The following RIT2 variants were observed in gnomAD, a reference collection of about 807,000 sequenced individuals.
The protein encoded by RIT2 is Ras like without CAAX 2.
A neutral mutation model predicts 23.7 loss-of-function variants in RIT2; 24 were observed. The ratio of observed to expected loss-of-function variants is 1.01; its 90% CI spans 0.73 to 1.43. The LOEUF (loss-of-function observed/expected upper bound fraction) is 1.43. Ranked by LOEUF, RIT2 falls within the 40% of genes most tolerant of loss-of-function variation. The pLI, the probability that RIT2 is intolerant of heterozygous loss-of-function variation, is 0.00. For missense variants in RIT2, 236 were observed against 266.9 expected, an observed-to-expected ratio of 0.88 and a Z score of 0.81; for synonymous variants, 107 against 91.1, an observed-to-expected ratio of 1.17 and a Z score of -0.99.
intron 4 of RIT2, among the ~76,000 whole-genome samples, chr18:42,861,064 C>T (rs1907314250): frequency 6.6e-6 from 1 of 152,140 alleles, no homozygotes; most frequent in African/African-American, 2.4e-5. Context: ...CAGACCTGAT[C>T]TTTCTCATAA....
intron 4 of RIT2, among the ~76,000 whole-genome samples, chr18:42,774,961 C>T (rs1347472031): frequency 1.3e-5 from 2 of 152,170 alleles, no homozygotes; most frequent in African/African-American, 2.4e-5. Flanking sequence ...GAGCACATTA[C>T]ACCTTATCAT....
At chr18:43,020,079 A>C (rs890277064) in intron 2 of RIT2, among the ~76,000 whole-genome samples, 2 of 152,138 alleles carry the variant, frequency 1.3e-5, no homozygotes, top group Non-Finnish European at 2.9e-5. Context: ...TAATGCATTC[A>C]AATAATTAAT....
intron 4 of RIT2, among the ~76,000 whole-genome samples, chr18:42,777,333 T>G (rs1913697280): frequency 6.6e-6 from 1 of 151,606 alleles, no homozygotes; most frequent in Admixed American, 6.6e-5. Context: ...AGACATAAAT[T>G]TGGGATTCAA....
chr18:43,087,067 T>C (rs1468505034), intron 1 of RIT2, among the ~76,000 whole-genome samples: 1 of 151,910 alleles, frequency 6.6e-6, no homozygotes, highest in African/African-American at 2.4e-5. Flanking sequence ...CTGGCCAACA[T>C]AGCAAAATCC....
chr18:42,871,232 T>C (rs1030700191), intron 4 of RIT2, among the ~76,000 whole-genome samples: 2 of 152,330 alleles, frequency 1.3e-5, no homozygotes, highest in East Asian at 1.9e-4. Context: ...TAACACTTAA[T>C]ATTTTCTAAT....
chr18:42,995,843 A>G (rs1568050506), intron 2 of RIT2, among the ~76,000 whole-genome samples: 1 of 152,224 alleles, frequency 6.6e-6, no homozygotes, highest in South Asian at 2.1e-4. Context: ...CATCTCTACT[A>G]TCTTCTGTCT....
At chr18:42,823,974 C>T (rs1012152855) in intron 4 of RIT2, among the ~76,000 whole-genome samples, 7 of 152,050 alleles carry the variant, frequency 4.6e-5, no homozygotes, top group African/African-American at 1.7e-4. Context: ...AGCATAATTC[C>T]GTTTAAGTCG....
chr18:42,746,302 C>T (rs553416743), intron 4 of RIT2, among the ~76,000 whole-genome samples: 1 of 152,124 alleles, frequency 6.6e-6, no homozygotes, highest in African/African-American at 2.4e-5. Context: ...ATTCAACTGA[C>T]CACAGTCAAT....
intron 4 of RIT2, among the ~76,000 whole-genome samples, chr18:42,866,222 T>G (rs768920668): frequency 6.6e-6 from 1 of 152,198 alleles, no homozygotes; most frequent in Non-Finnish European, 1.5e-5. Context: ...AATAGATACC[T>G]TAAACTAATG....
rs116679588 is a variant in RIT2, at chr18:42,987,808, G to A, written c.161-13661C>T. Reference sequence around the variant, plus strand: ...TGAGGGCCTCAGGAAACACACTCATGGCAAAAGGTGAAGTGGAGTAGATGT... The same window carrying A: ...TGAGGGCCTCAGGAAACACACTCATAGCAAAAGGTGAAGTGGAGTAGATGT... On this transcript the variant is annotated intron_variant, in intron 2 of 4. Transcript: ENST00000326695. Among the ~76,000 whole-genome samples the A allele has an allele frequency of 6.7e-3, 1,021 of 152,286 alleles. 15 individuals are homozygous for A. The highest frequency in any genetic ancestry group is 0.023 in the African/African-American group (970 of 41,562).
At chr18:43,002,399 C>A (rs566514007) in intron 2 of RIT2, among the ~76,000 whole-genome samples, 1 of 152,058 alleles carries the variant, frequency 6.6e-6, no homozygotes, top group East Asian at 1.9e-4. Context: ...TTTGGCAACA[C>A]CCTCACAGAC....
chr18:42,943,474 T>C (rs886876719), intron 3 of RIT2, among the ~76,000 whole-genome samples: 1 of 152,094 alleles, frequency 6.6e-6, no homozygotes, highest in Non-Finnish European at 1.5e-5. Context: ...AATTTTCGAT[T>C]TGCAAATACT....
intron 1 of RIT2, among the ~76,000 whole-genome samples, chr18:43,035,788 T>C (rs935194720): frequency 6.6e-6 from 1 of 152,226 alleles, no homozygotes; most frequent in African/African-American, 2.4e-5. Context: ...GCTTCTCGGC[T>C]ATACACCCGC....
intron 4 of RIT2, among the ~76,000 whole-genome samples, chr18:42,917,644 T>C (rs1373717800): frequency 6.6e-6 from 1 of 152,174 alleles, no homozygotes; most frequent in African/African-American, 2.4e-5. Context: ...TCTGCTCAAA[T>C]GTTTTAAACA....
intron 4 of RIT2, among the ~76,000 whole-genome samples, chr18:42,783,130 T>A (rs1475156028): frequency 6.6e-6 from 1 of 152,144 alleles, no homozygotes; most frequent in Non-Finnish European, 1.5e-5. Flanking sequence ...ACCAAACACG[T>A]TTGTCCAGAT....
chr18:42,789,679 T>A (rs967639184), intron 4 of RIT2, among the ~76,000 whole-genome samples: 1 of 152,188 alleles, frequency 6.6e-6, no homozygotes, highest in African/African-American at 2.4e-5. Context: ...TAATTTTTTA[T>A]CCTAAAATTT....
At chr18:43,006,306 A>G (rs1433207320) in intron 2 of RIT2, among the ~76,000 whole-genome samples, 2 of 151,600 alleles carry the variant, frequency 1.3e-5, no homozygotes, top group East Asian at 2.0e-4. Flanking sequence ...AGAAGAAGAA[A>G]GAAGGAAGAA....
intron 4 of RIT2, among the ~76,000 whole-genome samples, chr18:42,747,308 T>C (rs1051760558): frequency 6.6e-6 from 1 of 151,676 alleles, no homozygotes; most frequent in Non-Finnish European, 1.5e-5. Flanking sequence ...AGCTGCTAAA[T>C]AAATAAATAA....
intron 3 of RIT2, among the ~76,000 whole-genome samples, chr18:42,954,815 A>G (rs1909935146): frequency 6.6e-6 from 1 of 152,046 alleles, no homozygotes; most frequent in African/African-American, 2.4e-5. Flanking sequence ...CCTCAGCTTT[A>G]TCCTTTCAAA....
Sources: allele counts gnomAD v4.1 joint callset (sites outside exome capture counted in the v4.1 genomes callset), GRCh38; gene constraint gnomAD v4.1.1; transcripts MANE v1.5; gene names NCBI Gene and HGNC (gene_info 2026-07-23, HGNC 2026-07-21).